The following DTNA variants were observed in gnomAD, a reference collection of about 807,000 sequenced individuals.
The protein encoded by DTNA is dystrobrevin alpha.
DTNA carries 43 observed loss-of-function variants against 100.7 expected under a neutral mutation model. That is an observed-to-expected ratio of 0.43 (90% CI 0.33 to 0.55). DTNA has a LOEUF of 0.55. DTNA is among the 20% of genes least tolerant of loss of function. The probability of loss-of-function intolerance (pLI) is 0.04; values close to 1 mark genes in which losing one functional copy is unlikely to be tolerated. For synonymous variants in DTNA, 349 were observed against 347.9 expected, an observed-to-expected ratio of 1.00 and a Z score of -0.04; for missense variants, 798 against 953.9, an observed-to-expected ratio of 0.84 and a Z score of 2.15.
At chr18:34,592,123 A>G (rs2049796705) in intron 1 of DTNA, among the ~76,000 whole-genome samples, 1 of 152,140 alleles carries the variant, frequency 6.6e-6, no homozygotes, top group Non-Finnish European at 1.5e-5. Context: ...ACAGTTGCCT[A>G]GAGTTGGCAG....
chr18:34,688,551 C>T (rs1048045923), intron 1 of DTNA, among the ~76,000 whole-genome samples: 1 of 152,134 alleles, frequency 6.6e-6, no homozygotes, highest in Non-Finnish European at 1.5e-5. Flanking sequence ...GTAACGCGAC[C>T]TTTCTCTCTG....
chr18:34,572,548 G>A (rs2047691635), intron 1 of DTNA, among the ~76,000 whole-genome samples: 1 of 152,236 alleles, frequency 6.6e-6, no homozygotes, highest in Non-Finnish European at 1.5e-5. Context: ...CACAGCAGAG[G>A]CGGAATGTGA....
At chr18:34,687,823 G>A (rs1391747332) in intron 1 of DTNA, among the ~76,000 whole-genome samples, 1 of 152,188 alleles carries the variant, frequency 6.6e-6, no homozygotes, top group Non-Finnish European at 1.5e-5. Context: ...GGATGCTCCT[G>A]TATTGGGTGC....
chr18:34,732,213 T>A (rs28672264), intron 1 of DTNA, among the ~76,000 whole-genome samples: 5,878 of 152,320 alleles, frequency 0.039, 364 homozygotes, highest in African/African-American at 0.13. Flanking sequence ...CCCCTAATTT[T>A]CTTCATGGCA....
chr18:34,890,120 A>C lies in DTNA; in HGVS notation c.*2386A>C. 3.6e-6 allele frequency: 5 copies of C among 1,403,066 alleles called. No homozygotes were observed. Among genetic ancestry groups the C allele is most frequent in the Non-Finnish European group, 4.6e-6 (5 of 1,083,544 alleles). 86.9% of individuals were successfully genotyped at this position (1,403,066 alleles called of 1,614,324 possible). A position where few individuals can be genotyped will look rare whatever the true frequency, so the allele number is the denominator to read the frequency against. ...TGTTTCTTTGTGTTTCTACATCAAA[A>C]TGTTCGTCTAAGATTTGAACTGTTC... is the stretch of plus-strand genomic sequence containing the variant. On this transcript the variant is annotated 3_prime_UTR_variant, in exon 23 of 23. Transcript: ENST00000444659.
Position 34,636,056 on chromosome 18 carries a change from A to T in DTNA, c.-1-119920A>T, listed in dbSNP as rs2058637177. On this transcript the variant is annotated intron_variant, in intron 1 of 19. Coordinates refer to the DTNA transcript ENST00000283365. ...GATGTTTCACGTGTGTGCACACAATATATTCTTCAGTGTGCAGCAAGTCTT... is the reference window on the plus strand; with the variant it reads ...GATGTTTCACGTGTGTGCACACAATTTATTCTTCAGTGTGCAGCAAGTCTT... Among the ~76,000 whole-genome samples, 4 of 152,238 alleles carry T rather than the reference A, an allele frequency of 2.6e-5. No homozygotes were observed. In the South Asian group the frequency reaches 8.3e-4, roughly 31 times the overall value.
At chr18:34,746,607 T>C (rs1250521498) in intron 1 of DTNA, among the ~76,000 whole-genome samples, 1 of 152,182 alleles carries the variant, frequency 6.6e-6, no homozygotes, top group Non-Finnish European at 1.5e-5. Flanking sequence ...AAGGCAGCAG[T>C]ACAGCTGACC....
chr18:34,847,723 C>A (rs765139429), intron 13 of DTNA, among the ~76,000 whole-genome samples: 1 of 152,168 alleles, frequency 6.6e-6, no homozygotes, highest in African/African-American at 2.4e-5. Flanking sequence ...AGAAAACAAG[C>A]AAGTCCAAGA....
intron 4 of DTNA, 120 bp from the exon 5 acceptor site, chr18:34,806,099 A>C: frequency 1.2e-6 from 1 of 822,544 alleles, no homozygotes; most frequent in African/African-American, 1.7e-5. Flanking sequence ...GCATGCAGCT[A>C]TGTATCCTGT....
At chr18:34,701,015 G>A (rs2081292476) in intron 1 of DTNA, among the ~76,000 whole-genome samples, 1 of 152,086 alleles carries the variant, frequency 6.6e-6, no homozygotes, top group African/African-American at 2.4e-5. Flanking sequence ...TAAGGACTGA[G>A]TGCATTCAAC....
At chr18:34,761,194 A>C (rs1372206955) in intron 2 of DTNA, among the ~76,000 whole-genome samples, 1 of 151,798 alleles carries the variant, frequency 6.6e-6, no homozygotes, top group Non-Finnish European at 1.5e-5. Context: ...AGCGTGGCAG[A>C]GTTCAGGCAG....
chr18:34,808,334 G>A (rs2095414288), intron 5 of DTNA, among the ~76,000 whole-genome samples: 1 of 152,190 alleles, frequency 6.6e-6, no homozygotes, highest in South Asian at 2.1e-4. Context: ...GGGCTTGGTG[G>A]AGGTGACAGT....
chr18:34,840,473 T>C (rs944465766), intron 13 of DTNA, among the ~76,000 whole-genome samples: 2 of 152,174 alleles, frequency 1.3e-5, no homozygotes, highest in Non-Finnish European at 2.9e-5. Context: ...CATCATGTCC[T>C]CTTCCCATAA....
chr18:34,743,325 C>T (rs2091038969), intron 1 of DTNA, among the ~76,000 whole-genome samples: 1 of 152,098 alleles, frequency 6.6e-6, no homozygotes, highest in Admixed American at 6.5e-5. Flanking sequence ...TTAGTTTTGG[C>T]ATCTATGTTC....
Position 34,829,474 on chromosome 18 carries a change from T to C in DTNA, c.1160T>C (p.Leu387Pro). The change falls in exon 11 of 23, where the codon CTT (leucine) becomes CCT (proline). Residue 387 changes from leucine to proline, a missense_variant. Physicochemically the swap from Leu to Pro is moderately conservative, Grantham distance 98. Coordinates refer to ENST00000444659, the MANE Select transcript of DTNA (RefSeq NM_001386795.1). ...HSLIKLYVNQLDHGARSPPKD... is the reference protein window; with the variant it reads ...HSLIKLYVNQPDHGARSPPKD... ...CTCATAAAGCTGTACGTAAATCAGC[T>C]TGATCACGGTGCACGGTCAGTATCC... 3 of 1,523,914 alleles carry C rather than the reference T, an allele frequency of 2.0e-6. No individual in the cohort carries two copies. The highest frequency in any genetic ancestry group is 1.8e-6 in the Non-Finnish European group (2 of 1,137,810). 94.4% of individuals were successfully genotyped at this position (1,523,914 alleles called of 1,614,324 possible).
intron 3 of DTNA, among the ~76,000 whole-genome samples, chr18:34,774,346 G>A (rs1242287233): frequency 6.6e-6 from 1 of 152,202 alleles, no homozygotes; most frequent in Non-Finnish European, 1.5e-5. Flanking sequence ...CAGGATCTCA[G>A]GACTCCAGCA....
At chr18:34,527,347 A>G (rs2042725629) in intron 1 of DTNA, among the ~76,000 whole-genome samples, 3 of 152,066 alleles carry the variant, frequency 2.0e-5, no homozygotes, top group African/African-American at 7.2e-5. Context: ...TAGATTTCCT[A>G]TCTTCCCTTT....
intron 1 of DTNA, among the ~76,000 whole-genome samples, chr18:34,498,480 T>TAATA (rs1212755339): frequency 7.0e-6 from 1 of 142,526 alleles, no homozygotes; most frequent in Non-Finnish European, 1.5e-5. Context: ...ATAATAATAA[T>TAATA]AATTTAATCA....
chr18:34,508,336 C>A (rs1422051119), intron 1 of DTNA, among the ~76,000 whole-genome samples: 2 of 151,966 alleles, frequency 1.3e-5, no homozygotes, highest in Non-Finnish European at 2.9e-5. Flanking sequence ...ATGTGGATGT[C>A]CAAATTAATC....
Sources: gnomAD v4.1 joint callset for allele counts (sites outside exome capture counted in the v4.1 genomes callset) on GRCh38, gnomAD v4.1.1 for gene constraint, MANE v1.5 for transcripts, NCBI Gene and HGNC (gene_info 2026-07-23, HGNC 2026-07-21) for gene names.